Variants in CNTN5 observed in about 807,000 individuals in gnomAD.
CNTN5 encodes the protein contactin-5.
In CNTN5, 77 loss-of-function variants were observed where a neutral mutation model predicts 129.1. The ratio of observed to expected loss-of-function variants is 0.60; its 90% CI spans 0.50 to 0.72. The LOEUF (loss-of-function observed/expected upper bound fraction) is 0.72, where lower values mean the gene tolerates loss of function less well. CNTN5 is among the 30% of genes least tolerant of loss of function. The pLI is 0.00. For synonymous variants in CNTN5, 509 were observed against 465.6 expected (o/e 1.09, Z -1.20); for missense variants, 1,478 against 1,328.8 (o/e 1.11, Z -1.75).
intron 2 of CNTN5, among the ~76,000 whole-genome samples, chr11:99,425,184 A>G (rs1176212610): frequency 1.3e-5 from 2 of 152,174 alleles, no homozygotes; most frequent in African/African-American, 4.8e-5. Context: ...TGATTGGTCC[A>G]TGGGTGGCCA....
At chr11:99,087,165 G>A (rs1386916176) in intron 1 of CNTN5, among the ~76,000 whole-genome samples, 2 of 152,126 alleles carry the variant, frequency 1.3e-5, no homozygotes, top group African/African-American at 4.8e-5. Context: ...CATAGATTTA[G>A]AATACATTAT....
chr11:99,827,246 C>G (rs527674653), intron 4 of CNTN5, among the ~76,000 whole-genome samples: 1 of 152,190 alleles, frequency 6.6e-6, no homozygotes, highest in Non-Finnish European at 1.5e-5. Context: ...CACTACCACA[C>G]TCAGCTAATT....
intron 22 of CNTN5, 31 bp downstream of exon 22, chr11:100,340,680 G>A: frequency 6.5e-7 from 1 of 1,550,312 alleles, no homozygotes; most frequent in Non-Finnish European, 8.7e-7. Flanking sequence ...GTTTGTTTCA[G>A]ACAAAGGGGA....
chr11:100,305,254 A>T (rs1790574439), intron 20 of CNTN5, among the ~76,000 whole-genome samples: 1 of 151,548 alleles, frequency 6.6e-6, no homozygotes, highest in South Asian at 2.1e-4. Flanking sequence ...GAGAGCATGG[A>T]TTTAAAACAG....
rs116949088 is a variant in CNTN5 at position 99,633,807 on chromosome 11, T to C, written c.55+77538T>C. On this transcript the variant is annotated intron_variant, in intron 3 of 24. Transcript: ENST00000524871. ...AAGATGTGTAGAGCTTTTGAAATAC[T>C]GTGAGAAAACATGGGCAAAGTGAGC... 2.5e-3 allele frequency among the ~76,000 whole-genome samples: 385 copies of C among 152,054 alleles called. 5 individuals carry two copies. The highest frequency in any genetic ancestry group is 0.022 in the East Asian group (112 of 5,178).
rs1462467279 is a variant in CNTN5, at chr11:100,194,994, C to A, written c.1884+1331C>A. 4.0e-5 allele frequency among the ~76,000 whole-genome samples: 6 copies of A among 151,884 alleles called. No homozygotes were observed. In the East Asian group the frequency reaches 1.2e-3, roughly 29 times the overall value. ...TGAGCGAATTTTAACTGTTAATATC[C>A]AAGTTATATGTAAAGTATTTAGAGT... On this transcript the variant is annotated intron_variant, in intron 15 of 24. Transcript: ENST00000524871.
intron 16 of CNTN5, among the ~76,000 whole-genome samples, chr11:100,226,654 A>G (rs1245851941): frequency 6.6e-6 from 1 of 152,144 alleles, no homozygotes; most frequent in East Asian, 1.9e-4. Context: ...CCACTTTTCT[A>G]TTATATATTT....
rs983760673 is a variant in CNTN5 at position 99,616,184 on chromosome 11, C to T, written c.55+59915C>T. Among the ~76,000 whole-genome samples the T allele has an allele frequency of 2.0e-5, 3 of 152,276 alleles. No individual in the cohort carries two copies. In the South Asian group the frequency reaches 6.2e-4, roughly 32 times the overall value. Reference sequence around the variant, plus strand: ...ATCACCTCAAGAATCACTCTTGCTACCCTTTTATAAGTCCGCTCTGTTCCC... The same window carrying T: ...ATCACCTCAAGAATCACTCTTGCTATCCTTTTATAAGTCCGCTCTGTTCCC... On this transcript the variant is annotated intron_variant, in intron 3 of 24. Coordinates refer to ENST00000524871, the MANE Select transcript of CNTN5 (RefSeq NM_014361.4).
At chr11:100,136,246 G>A (rs1397359816) in intron 13 of CNTN5, among the ~76,000 whole-genome samples, 2 of 88,750 alleles carry the variant, frequency 2.3e-5, no homozygotes, top group Non-Finnish European at 4.1e-5. Flanking sequence ...TGGTATTCAA[G>A]GCTGGCTATT....
intron 2 of CNTN5, among the ~76,000 whole-genome samples, chr11:99,361,990 A>T: frequency 6.6e-6 from 1 of 152,038 alleles, no homozygotes; most frequent in East Asian, 1.9e-4. Context: ...CTTTTAATGA[A>T]TTGCTGGATA....
intron 1 of CNTN5, among the ~76,000 whole-genome samples, chr11:99,222,006 CT>C (rs890103046): frequency 1.3e-5 from 2 of 151,834 alleles, no homozygotes; most frequent in African/African-American, 4.8e-5. Flanking sequence ...GATACACATA[CT>C]TTTTTTGTCT....
At chr11:100,036,030 G>A (rs570310256) in intron 9 of CNTN5, among the ~76,000 whole-genome samples, 3 of 152,228 alleles carry the variant, frequency 2.0e-5, no homozygotes, top group African/African-American at 7.2e-5. Context: ...TTTGAGACGT[G>A]AAGTCCTTGC....
intron 6 of CNTN5, among the ~76,000 whole-genome samples, chr11:99,878,245 T>C (rs1315632637): frequency 6.6e-6 from 1 of 152,192 alleles, no homozygotes; most frequent in African/African-American, 2.4e-5. Flanking sequence ...CAGAGTCAAA[T>C]GTCTTGGCTC....
chr11:99,927,339 G>A (rs896904809), intron 7 of CNTN5, among the ~76,000 whole-genome samples: 2 of 152,128 alleles, frequency 1.3e-5, no homozygotes, highest in Admixed American at 1.3e-4. Flanking sequence ...ATCCAGGTCT[G>A]TGAATTCAAA....
chr11:99,330,247 G>T (rs1197018100), intron 2 of CNTN5, among the ~76,000 whole-genome samples: 2 of 148,672 alleles, frequency 1.3e-5, no homozygotes, highest in East Asian at 4.0e-4. Flanking sequence ...GAAGAAAGGA[G>T]GGAGGGAAGG....
At chr11:99,426,903 G>A (rs921055424) in intron 2 of CNTN5, among the ~76,000 whole-genome samples, 6 of 152,048 alleles carry the variant, frequency 3.9e-5, no homozygotes, top group African/African-American at 1.4e-4. Flanking sequence ...ACAGTACAGG[G>A]ACTCTAAAAG....
At chr11:99,433,339 A>G (rs1036965690) in intron 2 of CNTN5, among the ~76,000 whole-genome samples, 1 of 120,918 alleles carries the variant, frequency 8.3e-6, no homozygotes, top group Non-Finnish European at 1.7e-5. Flanking sequence ...TGTAATCATA[A>G]TTTTCCTTGT....
intron 6 of CNTN5, among the ~76,000 whole-genome samples, chr11:99,904,142 T>A (rs1445578092): frequency 2.0e-5 from 3 of 152,212 alleles, no homozygotes; most frequent in African/African-American, 7.2e-5. Context: ...ATATGCTTTT[T>A]ATTATACGTT....
chr11:99,792,345 T>C (rs923179459), intron 3 of CNTN5, among the ~76,000 whole-genome samples: 3 of 152,162 alleles, frequency 2.0e-5, no homozygotes, highest in African/African-American at 7.2e-5. Context: ...TCTGTATCTA[T>C]TGAGATCAAA....
Sources: gnomAD v4.1 joint callset for allele counts (sites outside exome capture counted in the v4.1 genomes callset) on GRCh38, gnomAD v4.1.1 for gene constraint, MANE v1.5 for transcripts, NCBI Gene and HGNC (gene_info 2026-07-23, HGNC 2026-07-21) for gene names.